The following NAALAD2 variants were observed in gnomAD, a reference collection of about 807,000 sequenced individuals.
NAALAD2 encodes N-acetylated alpha-linked acidic dipeptidase 2.
In NAALAD2, 89 loss-of-function variants were observed where a neutral mutation model predicts 95.6. That is an observed-to-expected ratio of 0.93 (90% confidence interval 0.78 to 1.11). NAALAD2 has a LOEUF of 1.11. NAALAD2 is among the 50% of genes least tolerant of loss of function. NAALAD2 has a pLI of 0.00. For missense variants in NAALAD2, 894 were observed against 872.4 expected, an observed-to-expected ratio of 1.02 and a Z score of -0.31; for synonymous variants, 264 against 294.4, an observed-to-expected ratio of 0.90 and a Z score of 1.06.
chr11:90,162,918 A>G (rs755032639), intron 8 of NAALAD2, 31 bp from the exon 9 acceptor site: 9 of 1,179,444 alleles, frequency 7.6e-6, no homozygotes, highest in Non-Finnish European at 3.7e-6. Flanking sequence ...AATTTGCTGT[A>G]CTAAGTAATT....
intron 18 of NAALAD2, among the ~76,000 whole-genome samples, chr11:90,185,777 T>C (rs568318403): frequency 6.6e-6 from 1 of 152,224 alleles, no homozygotes; most frequent in East Asian, 1.9e-4. Context: ...TGGCATTGTA[T>C]GGATGTCCTT....
intron 14 of NAALAD2, among the ~76,000 whole-genome samples, chr11:90,174,771 A>G (rs188471779): frequency 6.8e-4 from 103 of 151,744 alleles, no homozygotes; most frequent in African/African-American, 2.2e-3. Context: ...TAAAAAGTAT[A>G]TATTTGTTTT....
intron 8 of NAALAD2, among the ~76,000 whole-genome samples, chr11:90,160,588 A>C (rs1392759314): frequency 6.6e-6 from 1 of 152,206 alleles, no homozygotes; most frequent in African/African-American, 2.4e-5. Context: ...TCATTAAATC[A>C]GAACAGTGCT....
At chr11:90,143,209 G>A (rs1287961244) in intron 2 of NAALAD2, among the ~76,000 whole-genome samples, 1 of 152,046 alleles carries the variant, frequency 6.6e-6, no homozygotes, top group Non-Finnish European at 1.5e-5. Flanking sequence ...GATTTAGGTT[G>A]CCTTGTGCTA....
rs1857333522 is a variant in NAALAD2, at chr11:90,191,694, A to G, written c.2170A>G (p.Ile724Val). The change falls in exon 19 of 19, where the codon ATT becomes GTT. Residue 724 changes from isoleucine (I) to valine (V), a missense_variant. By Grantham distance (29) the Ile-to-Val change is conservative (BLOSUM62 3). Transcript: ENST00000534061. ...AWKEVKKHIS[I>V]AAFTIQAAAG... ...GAAAGAAGTAAAGAAACATATTTCT[A>G]TTGCAGCTTTTACAATTCAAGCAGC... 1.9e-6 allele frequency: 3 copies of G among 1,600,564 alleles called. No homozygotes were observed. Among genetic ancestry groups the G allele is most frequent in the Non-Finnish European group, 2.6e-6 (3 of 1,173,890 alleles).
At position 90,168,801 on chromosome 11, in the gene NAALAD2, A is replaced by G. The variant is rs886341989; in HGVS notation, c.1279-128A>G. 6 of 701,970 alleles carry G rather than the reference A, an allele frequency of 8.5e-6. No individual in the cohort carries two copies. The African/African-American group carries it at 9.3e-5, about 11-fold the overall frequency. 43.5% of individuals were successfully genotyped at this position (701,970 alleles called of 1,614,324 possible). A position where few individuals can be genotyped will look rare whatever the true frequency, so the allele number is the denominator to read the frequency against. Reference sequence around the variant, plus strand: ...ATTTTCTCAGAAATTAGGGTCACAGATGGACCTAGCTATTTAATTGTGAAA... The same window carrying G: ...ATTTTCTCAGAAATTAGGGTCACAGGTGGACCTAGCTATTTAATTGTGAAA... On this transcript the variant is annotated intron_variant, in intron 11 of 18. Coordinates refer to ENST00000534061, the MANE Select transcript of NAALAD2 (RefSeq NM_005467.4).
In NAALAD2 at chr11:90,150,539, G is replaced by C; in HGVS notation, c.541G>C (p.Glu181Gln). Residue 181 changes from glutamate to glutamine, a missense_variant, in exon 5 of 19, where the codon GAG (glutamate) becomes CAG (glutamine). By Grantham distance (29) the Glu-to-Gln change is conservative. Transcript: ENST00000534061. ...TGAAGACTTTTTCAAACTAGAAAGA[G>C]AGATGGGCATCAACTGTACTGGGAA... is the stretch of plus-strand genomic sequence containing the variant. The part of the protein sequence containing the change: ...RTEDFFKLER[E>Q]MGINCTGKIV... 1 of 1,611,378 alleles carries C rather than the reference G, an allele frequency of 6.2e-7. No individual in the cohort carries two copies. The highest frequency in any genetic ancestry group is 1.1e-5 in the South Asian group (1 of 90,914).
chr11:90,155,801 C>G (rs1383309075), intron 6 of NAALAD2, among the ~76,000 whole-genome samples: 2 of 127,824 alleles, frequency 1.6e-5, no homozygotes, highest in Admixed American at 8.8e-5. Context: ...ACATATTACA[C>G]ATATATAATA....
chr11:90,146,790 T>G (rs1263539172), intron 2 of NAALAD2, among the ~76,000 whole-genome samples: 1 of 152,120 alleles, frequency 6.6e-6, no homozygotes, highest in Non-Finnish European at 1.5e-5. Context: ...CAAATTAAAT[T>G]CAGCAAGCCT....
At chr11:90,178,202 T>C in intron 16 of NAALAD2, 85 bp downstream of exon 16, 3 of 1,391,440 alleles carry the variant, frequency 2.2e-6, no homozygotes, top group Non-Finnish European at 2.9e-6. Flanking sequence ...TGCATATTGT[T>C]TCATCCTAGA....
intron 13 of NAALAD2, among the ~76,000 whole-genome samples, chr11:90,171,433 A>G (rs1952631591): frequency 6.6e-6 from 1 of 152,230 alleles, no homozygotes; most frequent in Admixed American, 6.5e-5. Flanking sequence ...GGAATGTTCC[A>G]TAAAAGCATC....
chr11:90,138,455 A>G (rs549295610), intron 2 of NAALAD2, among the ~76,000 whole-genome samples: 1 of 152,240 alleles, frequency 6.6e-6, no homozygotes, highest in East Asian at 1.9e-4. Context: ...TTCTTCTTCC[A>G]TCATTTGCTT....
rs750202972 is a variant in NAALAD2 at position 90,177,994 on chromosome 11, G to C, written c.1735G>C (p.Asp579His). 5 of 1,613,732 alleles carry C rather than the reference G, an allele frequency of 3.1e-6. No homozygotes were observed. Among genetic ancestry groups the C allele is most frequent in the Middle Eastern group, 1.6e-4 (1 of 6,080 alleles). Residue 579 changes from aspartate to histidine, a missense_variant, in exon 16 of 19, where the codon GAT (aspartate) becomes CAT (histidine). Coordinates refer to ENST00000534061, the MANE Select transcript of NAALAD2 (RefSeq NM_005467.4). The stretch of plus-strand genomic sequence containing the variant: ...AGGAGCACTGGTATATGAGCTTGTG[G>C]ATTCTAAAATCATTCCTTTTAATAT... ...LRGALVYELV[D>H]SKIIPFNIQD...
chr11:90,187,067 A>G (rs1857167546), intron 18 of NAALAD2, among the ~76,000 whole-genome samples: 1 of 152,160 alleles, frequency 6.6e-6, no homozygotes, highest in South Asian at 2.1e-4. Context: ...AAACACTTGA[A>G]AAAATGCTCA....
chr11:90,155,236 ATAT>A, intron 6 of NAALAD2, among the ~76,000 whole-genome samples: 1 of 127,012 alleles, frequency 7.9e-6, no homozygotes, highest in South Asian at 2.3e-4. Flanking sequence ...GTGTGTGTAT[ATAT>A]TATATACATG....
chr11:90,167,248 G>A (rs920268214), intron 11 of NAALAD2, among the ~76,000 whole-genome samples: 2 of 152,186 alleles, frequency 1.3e-5, no homozygotes, highest in Non-Finnish European at 2.9e-5. Flanking sequence ...CGAGAGTTCC[G>A]GGTGGGCGTG....
chr11:90,189,491 G>A (rs768885913), intron 18 of NAALAD2, among the ~76,000 whole-genome samples: 7 of 152,252 alleles, frequency 4.6e-5, no homozygotes, highest in South Asian at 4.1e-4. Context: ...ATTTGTGGCC[G>A]GGCATGGTGG....
chr11:90,191,888 C>A lies in NAALAD2; in HGVS notation c.*141C>A, dbSNP rs1056245339. 1 of 526,756 alleles carries A rather than the reference C, an allele frequency of 1.9e-6. No homozygotes were observed. The highest frequency in any genetic ancestry group is 2.9e-6 in the Non-Finnish European group (1 of 339,308). 32.6% of individuals were successfully genotyped at this position (526,756 alleles called of 1,614,324 possible). A position where few individuals can be genotyped will look rare whatever the true frequency, so the allele number is the denominator to read the frequency against. ...TTATAGGCTTTGGTCTTTTCATCTG[C>A]AAAGCCTTTTTTTTTTGCTCTTTAA... On this transcript the variant is annotated 3_prime_UTR_variant, in exon 19 of 19. Coordinates refer to ENST00000534061, the MANE Select transcript of NAALAD2 (RefSeq NM_005467.4).
chr11:90,157,090 G>A (rs1952137912), intron 6 of NAALAD2, among the ~76,000 whole-genome samples: 1 of 152,044 alleles, frequency 6.6e-6, no homozygotes, highest in Non-Finnish European at 1.5e-5. Flanking sequence ...TTCTATAAAT[G>A]TCAATTAGGT....
Sources: gnomAD v4.1 joint callset for allele counts (sites outside exome capture counted in the v4.1 genomes callset) on GRCh38, gnomAD v4.1.1 for gene constraint, MANE v1.5 for transcripts, NCBI Gene and HGNC (gene_info 2026-07-23, HGNC 2026-07-21) for gene names.